The following GRIK4 variants were observed in gnomAD, a reference collection of about 807,000 sequenced individuals.
GRIK4 encodes glutamate receptor ionotropic, kainate 4.
A neutral mutation model predicts 104.9 loss-of-function variants in GRIK4; 40 were observed. The observed-to-expected ratio is 0.38, with a 90% CI of 0.30 to 0.50. The LOEUF (loss-of-function observed/expected upper bound fraction) is 0.50, where lower values mean the gene tolerates loss of function less well. Ranked by LOEUF, GRIK4 falls within the 20% of genes least tolerant of loss-of-function variation. The pLI, the probability that GRIK4 is intolerant of heterozygous loss-of-function variation, is 0.93. For synonymous variants in GRIK4, 485 were observed against 524.9 expected (o/e 0.92, Z 1.04); for missense variants, 1,047 against 1,308.1 (o/e 0.80, Z 3.08).
rs570139547 is a variant in GRIK4, at chr11:120,535,024, G to A, written c.-159+23137G>A. On this transcript the variant is annotated intron_variant, in intron 1 of 20. Coordinates refer to ENST00000527524, the MANE Select transcript of GRIK4 (RefSeq NM_014619.5). ...TTTACTCCCTGCAGTAAGCTGGCCGGTATTCAACAGCGGGCTCTCCTGGGG... is the reference window on the plus strand; with the variant it reads ...TTTACTCCCTGCAGTAAGCTGGCCGATATTCAACAGCGGGCTCTCCTGGGG... Among the ~76,000 whole-genome samples the A allele has an allele frequency of 1.3e-4, 20 of 152,348 alleles. No homozygotes were observed. In the East Asian group the frequency reaches 3.9e-3, roughly 29 times the overall value.
intron 19 of GRIK4, among the ~76,000 whole-genome samples, chr11:120,974,272 TG>T (rs1944525239): frequency 6.6e-6 from 1 of 152,222 alleles, no homozygotes; most frequent in African/African-American, 2.4e-5. Context: ...TGTCTCAGAC[TG>T]AACAGAGGGC....
intron 11 of GRIK4, among the ~76,000 whole-genome samples, chr11:120,888,570 A>G (rs1955185398): frequency 1.3e-5 from 2 of 152,186 alleles, no homozygotes; most frequent in South Asian, 2.1e-4. Context: ...GCAAAAGAAT[A>G]TATTTATTGA....
At chr11:120,974,336 G>C (rs1209625895) in intron 19 of GRIK4, among the ~76,000 whole-genome samples, 1 of 152,134 alleles carries the variant, frequency 6.6e-6, no homozygotes, top group Non-Finnish European at 1.5e-5. Flanking sequence ...TTTAGAATTT[G>C]AATCAGTTGG....
intron 9 of GRIK4, among the ~76,000 whole-genome samples, chr11:120,867,603 G>A (rs560294324): frequency 9.2e-5 from 14 of 151,872 alleles, no homozygotes; most frequent in African/African-American, 2.9e-4. Context: ...CACCTTCCGG[G>A]TCGGGCCTTC....
intron 1 of GRIK4, among the ~76,000 whole-genome samples, chr11:120,538,590 C>G (rs12288658): frequency 0.01 from 1,525 of 152,342 alleles, 34 homozygotes; most frequent in African/African-American, 0.034. Flanking sequence ...TGGCCGCTTA[C>G]GGCTGGCTGG....
At chr11:120,660,196 T>A in intron 2 of GRIK4, 73 bp from the exon 3 acceptor site, 1 of 689,670 alleles carries the variant, frequency 1.4e-6, no homozygotes, top group Non-Finnish European at 2.6e-6. Context: ...GGCTCCTGGG[T>A]GTCACTGGGA....
chr11:120,906,160 G>T (rs1942862689), intron 13 of GRIK4, among the ~76,000 whole-genome samples: 2 of 152,242 alleles, frequency 1.3e-5, no homozygotes, highest in African/African-American at 4.8e-5. Flanking sequence ...GTTCTTCCAG[G>T]GGGAAATCTC....
intron 1 of GRIK4, among the ~76,000 whole-genome samples, chr11:120,605,915 C>T (rs906863509): frequency 9.9e-5 from 15 of 152,198 alleles, no homozygotes; most frequent in African/African-American, 3.4e-4. Context: ...AGGGAAAGAC[C>T]GCACAGGCGG....
intron 1 of GRIK4, among the ~76,000 whole-genome samples, chr11:120,608,467 C>T (rs1175380717): frequency 1.3e-5 from 2 of 152,232 alleles, no homozygotes; most frequent in Admixed American, 6.5e-5. Flanking sequence ...TGTGTGTGCA[C>T]GCATGTGTAT....
intron 1 of GRIK4, among the ~76,000 whole-genome samples, chr11:120,613,660 C>T (rs910088938): frequency 6.6e-5 from 10 of 152,216 alleles, no homozygotes; most frequent in African/African-American, 1.4e-4. Context: ...AGATGCCCTC[C>T]GTGTTTTTCC....
chr11:120,658,543 C>T (rs998806954), intron 2 of GRIK4, among the ~76,000 whole-genome samples: 1 of 151,946 alleles, frequency 6.6e-6, no homozygotes, highest in African/African-American at 2.4e-5. Flanking sequence ...TTAATGTTGT[C>T]TTTTTTTAAA....
At chr11:120,729,571 G>A (rs1565318767) in intron 3 of GRIK4, among the ~76,000 whole-genome samples, 2 of 152,204 alleles carry the variant, frequency 1.3e-5, no homozygotes, top group Non-Finnish European at 2.9e-5. Context: ...TTTGAGAAAT[G>A]TGTATTCAGA....
rs776097940 is a variant in GRIK4, at chr11:120,982,243, A to G, written c.2514+19A>G. ...AACTGAGGTAAACTTTCAAAGGGGTATGATCGATCGTGTTGGCAGATGGGG... is the reference window on the plus strand; with the variant it reads ...AACTGAGGTAAACTTTCAAAGGGGTGTGATCGATCGTGTTGGCAGATGGGG... On this transcript the variant is annotated intron_variant, in intron 20 of 20. Transcript: ENST00000527524. The G allele has an allele frequency of 1.5e-6, 2 of 1,320,828 alleles. No homozygotes were observed. Among genetic ancestry groups the G allele is most frequent in the East Asian group, 2.3e-5 (1 of 43,552 alleles). 81.8% of individuals were successfully genotyped at this position (1,320,828 alleles called of 1,614,324 possible). A position where few individuals can be genotyped will look rare whatever the true frequency, so the allele number is the denominator to read the frequency against.
At chr11:120,870,493 A>G (rs953737663) in intron 9 of GRIK4, 2 of 152,226 alleles carry the variant, frequency 1.3e-5, no homozygotes, top group Non-Finnish European at 2.9e-5. Flanking sequence ...AGAGAAGGCA[A>G]CAATGAAAGA....
At position 120,986,069 on chromosome 11, in the gene GRIK4, G is replaced by A; in HGVS notation, c.2680G>A (p.Gly894Arg). ...GACGCTCAGCAACGGGAAGCTGTGC[G>A]GGGCAGGGGAGCCCGACCAGCTCGC... ...TATLSNGKLC[G>R]AGEPDQLAQR... The change falls in exon 21 of 21, where the codon GGG (glycine) becomes AGG (arginine). Residue 894 changes from glycine (G) to arginine (R), a missense_variant. By Grantham distance (125) the Gly-to-Arg change is moderately radical. Coordinates refer to ENST00000527524, the MANE Select transcript of GRIK4 (RefSeq NM_014619.5). 1 of 1,512,320 alleles carries A rather than the reference G, an allele frequency of 6.6e-7. No homozygotes were observed. Among genetic ancestry groups the A allele is most frequent in the Non-Finnish European group, 8.8e-7 (1 of 1,134,954 alleles). 93.7% of individuals were successfully genotyped at this position (1,512,320 alleles called of 1,614,324 possible).
intron 3 of GRIK4, among the ~76,000 whole-genome samples, chr11:120,767,972 A>T (rs1193281309): frequency 6.6e-6 from 1 of 150,560 alleles, no homozygotes. Context: ...ATCTTAAGTC[A>T]GGAAGTGTGA....
chr11:120,522,753 C>A (rs941812939), intron 1 of GRIK4, among the ~76,000 whole-genome samples: 1 of 152,198 alleles, frequency 6.6e-6, no homozygotes, highest in Non-Finnish European at 1.5e-5. Flanking sequence ...CTTCCCCAAA[C>A]TGAAATCCCC....
intron 1 of GRIK4, among the ~76,000 whole-genome samples, chr11:120,520,838 G>C (rs545005698): frequency 6.6e-6 from 1 of 152,286 alleles, no homozygotes; most frequent in East Asian, 1.9e-4. Flanking sequence ...ATCTCCCCTA[G>C]CCTAGTTCAG....
intron 1 of GRIK4, among the ~76,000 whole-genome samples, chr11:120,651,750 G>C (rs1949622162): frequency 6.6e-6 from 1 of 152,166 alleles, no homozygotes; most frequent in Non-Finnish European, 1.5e-5. Flanking sequence ...CTCCTCATGG[G>C]AATTCCTAAA....
Sources: gnomAD v4.1 joint callset for allele counts (sites outside exome capture counted in the v4.1 genomes callset) on GRCh38, gnomAD v4.1.1 for gene constraint, MANE v1.5 for transcripts, NCBI Gene and HGNC (gene_info 2026-07-23, HGNC 2026-07-21) for gene names.